OSBPL1A: variants seen among roughly 807,000 people sequenced by gnomAD.
OSBPL1A encodes oxysterol-binding protein-related protein 1.
OSBPL1A carries 80 observed loss-of-function variants against 137.1 expected under a neutral mutation model. That is an observed-to-expected ratio of 0.58 (90% CI 0.49 to 0.70). The LOEUF (loss-of-function observed/expected upper bound fraction) is 0.70. Among genes scored for constraint, OSBPL1A ranks in the 30% least tolerant of loss-of-function variants. OSBPL1A has a pLI of 0.00. For synonymous variants in OSBPL1A, 365 were observed against 389.7 expected, an observed-to-expected ratio of 0.94 and a Z score of 0.75; for missense variants, 970 against 1,129.4, an observed-to-expected ratio of 0.86 and a Z score of 2.02.
At chr18:24,220,378 C>A (rs2087851289) in intron 17 of OSBPL1A, among the ~76,000 whole-genome samples, 1 of 152,224 alleles carries the variant, frequency 6.6e-6, no homozygotes, top group Non-Finnish European at 1.5e-5. Flanking sequence ...GGCTTCACAG[C>A]AGAGCTGCTT....
intron 1 of OSBPL1A, among the ~76,000 whole-genome samples, chr18:24,378,650 G>A (rs1380059934): frequency 6.6e-6 from 1 of 152,198 alleles, no homozygotes; most frequent in Non-Finnish European, 1.5e-5. Flanking sequence ...CTTCCAGTGA[G>A]GCTAAAAGAG....
At chr18:24,274,317 C>A (rs369433094) in intron 15 of OSBPL1A, among the ~76,000 whole-genome samples, 6 of 151,878 alleles carry the variant, frequency 4.0e-5, no homozygotes, top group Admixed American at 3.9e-4. Flanking sequence ...TTCCCATGAT[C>A]CTGGCCTGAA....
chr18:24,338,033 G>A (rs2091205917), intron 5 of OSBPL1A, among the ~76,000 whole-genome samples: 1 of 151,484 alleles, frequency 6.6e-6, no homozygotes, highest in Admixed American at 6.6e-5. Context: ...GTTTACTGCA[G>A]TATTCTTGAA....
At chr18:24,218,835 A>G (rs2087795087) in intron 17 of OSBPL1A, among the ~76,000 whole-genome samples, 1 of 152,208 alleles carries the variant, frequency 6.6e-6, no homozygotes, top group African/African-American at 2.4e-5. Flanking sequence ...ATAAAAAATA[A>G]GCATGTGAGG....
rs745677651 is a variant in OSBPL1A at position 24,244,933 on chromosome 18, G to C, written c.1282-5551C>G. 6.0e-4 allele frequency among the ~76,000 whole-genome samples: 92 copies of C among 152,170 alleles called. 1 individual carries two copies. Among genetic ancestry groups the C allele is most frequent in the Non-Finnish European group, 1.0e-4 (7 of 68,028 alleles). On this transcript the variant is annotated intron_variant, in intron 15 of 27. Transcript: ENST00000319481. Reference sequence around the variant, plus strand: ...GTGATTATTATTCACAGAACACTGTGTGCAATCAGCCAGTTATAAGATAGG... The same window carrying C: ...GTGATTATTATTCACAGAACACTGTCTGCAATCAGCCAGTTATAAGATAGG...
At chr18:24,359,879 A>G (rs2091595793) in intron 4 of OSBPL1A, among the ~76,000 whole-genome samples, 1 of 152,124 alleles carries the variant, frequency 6.6e-6, no homozygotes, top group African/African-American at 2.4e-5. Context: ...TGGTATTCTG[A>G]TTTTTACCAA....
At chr18:24,304,890 A>G (rs561801041) in intron 13 of OSBPL1A, among the ~76,000 whole-genome samples, 3 of 152,158 alleles carry the variant, frequency 2.0e-5, no homozygotes, top group Non-Finnish European at 4.4e-5. Flanking sequence ...CCTACGTACC[A>G]TTCACTTGGT....
intron 15 of OSBPL1A, among the ~76,000 whole-genome samples, chr18:24,244,179 G>T (rs1180841950): frequency 1.3e-4 from 20 of 152,180 alleles, no homozygotes; most frequent in Admixed American, 1.3e-3. Flanking sequence ...CAGAAACAGT[G>T]CCTTCTGCGC....
chr18:24,318,519 T>C, intron 9 of OSBPL1A, 82 bp downstream of exon 9: 2 of 1,207,462 alleles, frequency 1.7e-6, no homozygotes, highest in Non-Finnish European at 2.4e-6. Context: ...TCAGAAATGA[T>C]TTTTTAAAAG....
chr18:24,196,000 T>C, intron 18 of OSBPL1A, 125 bp downstream of exon 18: 1 of 753,680 alleles, frequency 1.3e-6, no homozygotes, highest in Non-Finnish European at 2.2e-6. Flanking sequence ...TCACAATTTA[T>C]GATTCTCGTA....
intron 14 of OSBPL1A, among the ~76,000 whole-genome samples, chr18:24,290,270 T>C (rs1032499195): frequency 6.6e-6 from 1 of 152,028 alleles, no homozygotes; most frequent in African/African-American, 2.4e-5. Context: ...CCAGATATGC[T>C]AGAAAGAAAG....
At chr18:24,325,009 C>T (rs1228474232) in intron 7 of OSBPL1A, among the ~76,000 whole-genome samples, 1 of 151,760 alleles carries the variant, frequency 6.6e-6, no homozygotes, top group Non-Finnish European at 1.5e-5. Context: ...TCGCTTGAAG[C>T]CAGGAGGTGG....
At position 24,316,339 on chromosome 18, in the gene OSBPL1A, T is replaced by C. The variant is rs117557621; in HGVS notation, c.870+810A>G. Reference sequence around the variant, plus strand: ...TGAAGAAGCATGAAAGTAGAACACATTCACAAAAGAAAAATCCAATTAAAA... The same window carrying C: ...TGAAGAAGCATGAAAGTAGAACACACTCACAAAAGAAAAATCCAATTAAAA... On this transcript the variant is annotated intron_variant, in intron 11 of 27. Coordinates refer to ENST00000319481, the MANE Select transcript of OSBPL1A (RefSeq NM_080597.4). 9.9e-5 allele frequency among the ~76,000 whole-genome samples: 15 copies of C among 151,994 alleles called. No individual in the cohort carries two copies. In the East Asian group the frequency reaches 2.7e-3, roughly 27 times the overall value.
At chr18:24,390,182 A>G (rs1268401994) in intron 1 of OSBPL1A, among the ~76,000 whole-genome samples, 2 of 152,216 alleles carry the variant, frequency 1.3e-5, no homozygotes, top group Non-Finnish European at 2.9e-5. Flanking sequence ...TGTAAATCTT[A>G]AAACATCAGA....
intron 4 of OSBPL1A, among the ~76,000 whole-genome samples, chr18:24,362,856 C>A (rs1287489953): frequency 6.6e-6 from 1 of 152,142 alleles, no homozygotes; most frequent in African/African-American, 2.4e-5. Flanking sequence ...ATTAAAGAAA[C>A]AAACTGAGAG....
At chr18:24,369,880 C>T (rs1480925680) in intron 2 of OSBPL1A, among the ~76,000 whole-genome samples, 2 of 152,262 alleles carry the variant, frequency 1.3e-5, no homozygotes, top group African/African-American at 2.4e-5. Flanking sequence ...GGTCCCCCAT[C>T]CCCCCTGTCC....
intron 15 of OSBPL1A, among the ~76,000 whole-genome samples, chr18:24,241,798 A>G (rs563050588): frequency 1.3e-5 from 2 of 152,348 alleles, no homozygotes; most frequent in Non-Finnish European, 1.5e-5. Context: ...AGGAGTATAA[A>G]TCATTCTCCT....
chr18:24,282,911 C>T (rs2089987836), intron 14 of OSBPL1A, among the ~76,000 whole-genome samples: 1 of 151,996 alleles, frequency 6.6e-6, no homozygotes, highest in South Asian at 2.1e-4. Context: ...GAGTTCAAGA[C>T]CAGCCTGAGC....
chr18:24,252,054 T>C (rs1369515305), intron 15 of OSBPL1A, among the ~76,000 whole-genome samples: 11 of 151,862 alleles, frequency 7.2e-5, no homozygotes, highest in Admixed American at 7.2e-4. Flanking sequence ...CAAAAAATGA[T>C]GAAGCATGCC....
Sources: gnomAD v4.1 joint callset for allele counts (sites outside exome capture counted in the v4.1 genomes callset) on GRCh38, gnomAD v4.1.1 for gene constraint, MANE v1.5 for transcripts, NCBI Gene and HGNC (gene_info 2026-07-23, HGNC 2026-07-21) for gene names.